C11orf65: variants seen among roughly 807,000 people sequenced by gnomAD.
C11orf65 encodes chromosome 11 open reading frame 65.
In C11orf65, 38 loss-of-function variants were observed where a neutral mutation model predicts 35.3. That is an observed-to-expected ratio of 1.08 (90% confidence interval 0.83 to 1.41). The LOEUF is 1.41. Among genes scored for constraint, C11orf65 ranks in the 40% most tolerant of loss-of-function variants. The pLI is 0.00. For synonymous variants in C11orf65, 105 were observed against 114.4 expected (o/e 0.92, Z 0.53); for missense variants, 370 against 367.1 (o/e 1.01, Z -0.06).
chr11:108,310,719 G>T (rs1235614147), intron 6 of C11orf65, among the ~76,000 whole-genome samples: 2 of 151,874 alleles, frequency 1.3e-5, no homozygotes. Flanking sequence ...ATTCATTTTG[G>T]ATATAAAATA....
intron 3 of C11orf65, among the ~76,000 whole-genome samples, chr11:108,422,002 G>A (rs931558423): frequency 2.0e-5 from 3 of 152,126 alleles, no homozygotes; most frequent in African/African-American, 7.2e-5. Flanking sequence ...CGCAATCTCG[G>A]CTTGCTGCAA....
chr11:108,372,582 T>G (rs1351007427), intron 2 of C11orf65, among the ~76,000 whole-genome samples: 1 of 152,220 alleles, frequency 6.6e-6, no homozygotes, highest in East Asian at 1.9e-4. Context: ...AATTAGCTGT[T>G]TGCCAGATTT....
intron 2 of C11orf65, chr11:108,355,098 T>C (rs1426134070): frequency 1.8e-6 from 1 of 554,542 alleles, no homozygotes; most frequent in Non-Finnish European, 3.2e-6. Context: ...GTTAGAGCAT[T>C]GTAAGTAGTC....
rs786202933 is a variant in C11orf65, at chr11:108,353,809, A to G, written c.227-18517T>C. 6.2e-7 allele frequency: 1 copy of G among 1,614,136 alleles called. No homozygotes were observed. Among genetic ancestry groups the G allele is most frequent in the Admixed American group, 1.7e-5 (1 of 60,018 alleles). Reference sequence around the variant, plus strand: ...GCAAAATCCTTCCTACTCCTGAGACAGTTCCTTTTAGACTCACCAGAGATA... The same window carrying G: ...GCAAAATCCTTCCTACTCCTGAGACGGTTCCTTTTAGACTCACCAGAGATA... On this transcript the variant is annotated intron_variant, in intron 2 of 3. Transcript: ENST00000524755.
At chr11:108,378,921 CTA>C (rs1427202900), downstream of C11orf65, among the ~76,000 whole-genome samples, 1 of 151,876 alleles carries the variant, frequency 6.6e-6, no homozygotes, top group Non-Finnish European at 1.5e-5. Flanking sequence ...ATCAAAACCA[CTA>C]TGAGATACAT....
In C11orf65 at chr11:108,343,382, C is replaced by A. The variant is rs1277361086; in HGVS notation, c.227-8090G>T. 6.2e-7 allele frequency: 1 copy of A among 1,613,400 alleles called. No homozygotes were observed. Among genetic ancestry groups the A allele is most frequent in the Non-Finnish European group, 8.5e-7 (1 of 1,179,692 alleles). On this transcript the variant is annotated intron_variant, in intron 2 of 3. Transcript: ENST00000524755. ...CAAAAGAAAATGATGGTGAGTGACA[C>A]CCAAAATTAAAGGTTATTGTAAGAT... is the stretch of plus-strand genomic sequence containing the variant.
At chr11:108,356,508 C>A (rs980123085) in intron 2 of C11orf65, among the ~76,000 whole-genome samples, 1 of 148,708 alleles carries the variant, frequency 6.7e-6, no homozygotes, top group Non-Finnish European at 1.5e-5. Context: ...TGCCCTCCAG[C>A]CTGGGCGACA....
At chr11:108,311,832 G>A (rs1591755646) in intron 6 of C11orf65, among the ~76,000 whole-genome samples, 1 of 152,116 alleles carries the variant, frequency 6.6e-6, no homozygotes, top group Non-Finnish European at 1.5e-5. Flanking sequence ...CATGGTTTTA[G>A]AATTGAAGTT....
chr11:108,415,916 G>A lies in C11orf65; in HGVS notation c.175-8767C>T, dbSNP rs182605920. Among the ~76,000 whole-genome samples the A allele has an allele frequency of 3.3e-4, 50 of 151,562 alleles. No individual in the cohort carries two copies. In the East Asian group the frequency reaches 6.9e-3, roughly 21 times the overall value. ...CCATTTGGACATTGCGGGAATCCACGTTCAAGAAAAAAAAAATCTAGACAA... is the reference window on the plus strand; with the variant it reads ...CCATTTGGACATTGCGGGAATCCACATTCAAGAAAAAAAAAATCTAGACAA... On this transcript the variant is annotated intron_variant, in intron 3 of 8. Coordinates refer to ENST00000393084, the MANE Select transcript of C11orf65 (RefSeq NM_152587.5).
chr11:108,402,866 C>A lies in C11orf65; in HGVS notation c.560+2563G>T, dbSNP rs534235422. 7.9e-5 allele frequency among the ~76,000 whole-genome samples: 12 copies of A among 152,136 alleles called. No individual in the cohort carries two copies. In the South Asian group the frequency reaches 2.5e-3, roughly 32 times the overall value. Reference sequence around the variant, plus strand: ...TCTTTTTTGATAGATTTATTTCATTCGGCATTATTTTGAGGTTCGTCCATG... The same window carrying A: ...TCTTTTTTGATAGATTTATTTCATTAGGCATTATTTTGAGGTTCGTCCATG... On this transcript the variant is annotated intron_variant, in intron 6 of 8. Transcript: ENST00000393084.
At chr11:108,379,208 C>T (rs11212603), downstream of C11orf65, among the ~76,000 whole-genome samples, 909 of 152,204 alleles carry the variant, frequency 6.0e-3, 6 homozygotes, top group East Asian at 0.01. Flanking sequence ...TTCACAATAG[C>T]AAAGACTTGG....
At chr11:108,343,065 C>T (rs1411301107) in intron 2 of C11orf65, among the ~76,000 whole-genome samples, 4 of 151,990 alleles carry the variant, frequency 2.6e-5, no homozygotes, top group East Asian at 1.9e-4. Context: ...AGTTTATTTC[C>T]GATTGGTTTC....
At chr11:108,348,627 A>G (rs1172667363) in intron 2 of C11orf65, among the ~76,000 whole-genome samples, 1 of 151,944 alleles carries the variant, frequency 6.6e-6, no homozygotes, top group Admixed American at 6.6e-5. Context: ...ATTAAACAGT[A>G]TTAATCACTA....
intron 2 of C11orf65, chr11:108,365,632 G>T: frequency 8.1e-7 from 1 of 1,234,652 alleles, no homozygotes; most frequent in Non-Finnish European, 1.1e-6. Flanking sequence ...GGGTTTTTTT[G>T]AATGTTGGTT....
Position 108,382,822 on chromosome 11 carries a change from G to A in C11orf65, c.*199C>T. On this transcript the variant is annotated 3_prime_UTR_variant, in exon 9 of 9. Coordinates refer to ENST00000393084, the MANE Select transcript of C11orf65 (RefSeq NM_152587.5). ...AATACTACAGTTTCTCAGAATACTA[G>A]GAATAATTTCTATATTTGCCATGAT... 1 of 984,214 alleles carries A rather than the reference G, an allele frequency of 1.0e-6. No homozygotes were observed. The highest frequency in any genetic ancestry group is 1.2e-6 in the Non-Finnish European group (1 of 828,890). The allele number at this position is 984,214 out of a possible 1,614,324, so 61.0% of individuals were successfully genotyped here.
chr11:108,469,168 A>G (rs2093562763), upstream of C11orf65, among the ~76,000 whole-genome samples: 1 of 151,744 alleles, frequency 6.6e-6, no homozygotes, highest in Non-Finnish European at 1.5e-5. Context: ...GTGAGCCGAG[A>G]TAGCGCCATT....
intron 6 of C11orf65, among the ~76,000 whole-genome samples, chr11:108,315,606 GA>G (rs1341678353): frequency 6.7e-6 from 1 of 150,286 alleles, no homozygotes; most frequent in African/African-American, 2.4e-5. Flanking sequence ...TATATTTATT[GA>G]AAAAAAAATC....
intron 2 of C11orf65, among the ~76,000 whole-genome samples, chr11:108,436,110 G>A (rs61913878): frequency 9.5e-5 from 14 of 148,086 alleles, no homozygotes; most frequent in African/African-American, 2.2e-4. Flanking sequence ...GATTTTAGGA[G>A]GAAAAAAAAA....
intron 3 of C11orf65, among the ~76,000 whole-genome samples, chr11:108,418,530 T>G (rs1263167665): frequency 6.6e-6 from 1 of 152,096 alleles, no homozygotes; most frequent in Non-Finnish European, 1.5e-5. Context: ...GATAAAAATT[T>G]ATGTCCTTAA....
Sources: allele counts gnomAD v4.1 joint callset (sites outside exome capture counted in the v4.1 genomes callset), GRCh38; gene constraint gnomAD v4.1.1; transcripts MANE v1.5; gene names NCBI Gene and HGNC (gene_info 2026-07-23, HGNC 2026-07-21).